Variants in CDH20 observed in about 807,000 individuals in gnomAD.
The protein encoded by CDH20 is cadherin-20.
CDH20 carries 29 observed loss-of-function variants against 74.2 expected under a neutral mutation model. That is an observed-to-expected ratio of 0.39 (90% CI 0.29 to 0.53). The LOEUF is 0.53. Among genes scored for constraint, CDH20 ranks in the 20% least tolerant of loss-of-function variants. CDH20 has a pLI of 0.69. For missense variants in CDH20, 988 were observed against 1,048.3 expected (o/e 0.94, Z 0.79); for synonymous variants, 469 against 405.4 (o/e 1.16, Z -1.88).
intron 1 of CDH20, among the ~76,000 whole-genome samples, chr18:61,396,408 T>C (rs1274404843): frequency 6.6e-6 from 1 of 152,200 alleles, no homozygotes; most frequent in Non-Finnish European, 1.5e-5. Flanking sequence ...GTTCATCCTT[T>C]TTTTTTAAGA....
chr18:61,499,173 T>G lies in CDH20; in HGVS notation c.247-13T>G. 1.3e-6 allele frequency: 2 copies of G among 1,520,622 alleles called. No homozygotes were observed. Among genetic ancestry groups the G allele is most frequent in the Non-Finnish European group, 1.8e-6 (2 of 1,132,626 alleles). The allele number at this position is 1,520,622 out of a possible 1,614,324, so 94.2% of individuals were successfully genotyped here. ...GACATTCATGATGAGAATTAGGTGC[T>G]TTCCTCTCCCAGCTTCATTCAGATA... On this transcript the variant is annotated splice_polypyrimidine_tract_variant and intron_variant, in intron 2 of 11. Coordinates refer to ENST00000262717, the MANE Select transcript of CDH20 (RefSeq NM_031891.4).
In CDH20 at chr18:61,528,022, C is replaced by T. The variant is rs1219644308; in HGVS notation, c.1073C>T (p.Pro358Leu). The change falls in exon 7 of 12, where the codon CCT (proline) becomes CTT (leucine). Residue 358 changes from proline (P) to leucine (L), a missense_variant. Pro to Leu is a moderately conservative substitution (Grantham distance 98). This residue lies in a region of CDH20 where 613 missense variants were observed against 755.2 expected (regional missense o/e 0.81). Coordinates refer to ENST00000262717, the MANE Select transcript of CDH20 (RefSeq NM_031891.4). ...SYTLKVEGAN[P>L]HLEMRFLNLG... ...ACCTTAAAGGTGGAGGGAGCCAATC[C>T]TCACCTAGAGATGCGTTTTCTGAAC... 3.1e-6 allele frequency: 5 copies of T among 1,614,004 alleles called. No homozygotes were observed. The highest frequency in any genetic ancestry group is 4.2e-6 in the Non-Finnish European group (5 of 1,179,876).
chr18:61,354,261 T>C (rs1042069109), intron 1 of CDH20, among the ~76,000 whole-genome samples: 3 of 152,000 alleles, frequency 2.0e-5, no homozygotes, highest in Admixed American at 6.5e-5. Context: ...CTGCCTTCTT[T>C]CCTGTGGAAT....
chr18:61,540,494 C>T (rs1430286822), intron 9 of CDH20, among the ~76,000 whole-genome samples: 4 of 152,156 alleles, frequency 2.6e-5, no homozygotes, highest in South Asian at 2.1e-4. Flanking sequence ...TCTTACATGG[C>T]AGCAGGCAAG....
At chr18:61,444,470 C>A (rs1909135905) in intron 1 of CDH20, among the ~76,000 whole-genome samples, 1 of 152,034 alleles carries the variant, frequency 6.6e-6, no homozygotes, top group African/African-American at 2.4e-5. Context: ...AGGCTAATAC[C>A]CTTGTAAAAA....
At chr18:61,503,731 A>C (rs1911467341) in intron 5 of CDH20, among the ~76,000 whole-genome samples, 2 of 152,198 alleles carry the variant, frequency 1.3e-5, no homozygotes. Context: ...TCCTACACAC[A>C]AGAAAAATTA....
intron 1 of CDH20, among the ~76,000 whole-genome samples, chr18:61,370,964 C>T (rs1911018895): frequency 1.3e-5 from 2 of 152,006 alleles, no homozygotes; most frequent in Non-Finnish European, 2.9e-5. Context: ...AGGCATGTAG[C>T]CCCTGAAATA....
chr18:61,346,610 G>A (rs1306420051), intron 1 of CDH20, among the ~76,000 whole-genome samples: 3 of 151,990 alleles, frequency 2.0e-5, no homozygotes, highest in African/African-American at 7.3e-5. Context: ...TTTGACACAC[G>A]TTTCTCTTTG....
intron 1 of CDH20, among the ~76,000 whole-genome samples, chr18:61,465,316 G>GC (rs2144366471): frequency 1.3e-5 from 2 of 152,256 alleles, no homozygotes; most frequent in Non-Finnish European, 2.9e-5. Context: ...TCATTCTCCA[G>GC]CCCCCTAGCC....
At chr18:61,475,934 C>G (rs932518002) in intron 1 of CDH20, among the ~76,000 whole-genome samples, 1 of 152,158 alleles carries the variant, frequency 6.6e-6, no homozygotes, top group Non-Finnish European at 1.5e-5. Context: ...CTTCTAAATG[C>G]AAGAACTTGC....
chr18:61,536,414 G>GGCACTCAGTTGTCTCATGTGGTAT lies in CDH20; in HGVS notation c.1272-76_1272-53dup, dbSNP rs1912818468. ...TGGTGGAACCATGTTTCATATGGTA[G>GGCACTCAGTTGTCTCATGTGGTAT]GCACTCAGTTGTCTCATGTGGTATG... On this transcript the variant is annotated intron_variant, in intron 7 of 11. Coordinates refer to ENST00000262717, the MANE Select transcript of CDH20 (RefSeq NM_031891.4). The GGCACTCAGTTGTCTCATGTGGTAT allele has an allele frequency of 3.7e-6, 4 of 1,095,388 alleles. No homozygotes were observed. In the Admixed American group the frequency reaches 7.5e-5, roughly 21 times the overall value. The allele number at this position is 1,095,388 out of a possible 1,614,324, so 67.9% of individuals were successfully genotyped here. A position where few individuals can be genotyped will look rare whatever the true frequency, so the allele number is the denominator to read the frequency against.
At chr18:61,432,488 C>G (rs147911168) in intron 1 of CDH20, among the ~76,000 whole-genome samples, 1 of 152,238 alleles carries the variant, frequency 6.6e-6, no homozygotes, top group East Asian at 1.9e-4. Flanking sequence ...TAAATAACCA[C>G]TCTTTGGAGG....
At chr18:61,364,330 T>C (rs557175067) in intron 1 of CDH20, among the ~76,000 whole-genome samples, 1 of 150,896 alleles carries the variant, frequency 6.6e-6, no homozygotes, top group South Asian at 2.1e-4. Context: ...TTGTTTGTTT[T>C]AGACCGAGTT....
chr18:61,531,232 C>T (rs1912626688), intron 7 of CDH20, among the ~76,000 whole-genome samples: 1 of 152,210 alleles, frequency 6.6e-6, no homozygotes, highest in Non-Finnish European at 1.5e-5. Context: ...CCTGGTGTGT[C>T]AGCCCGGCAA....
intron 1 of CDH20, among the ~76,000 whole-genome samples, chr18:61,407,527 C>T (rs186218439): frequency 6.6e-6 from 1 of 152,178 alleles, no homozygotes; most frequent in Non-Finnish European, 1.5e-5. Context: ...GTAACAGGGA[C>T]CAAATTACGC....
chr18:61,486,041 C>G (rs1476204294), intron 1 of CDH20, among the ~76,000 whole-genome samples: 4 of 151,852 alleles, frequency 2.6e-5, no homozygotes, highest in Non-Finnish European at 5.9e-5. Flanking sequence ...CCACTGCAGT[C>G]CAGCCTGGGC....
At chr18:61,425,145 C>T (rs1453915787) in intron 1 of CDH20, among the ~76,000 whole-genome samples, 7 of 151,740 alleles carry the variant, frequency 4.6e-5, no homozygotes, top group Admixed American at 4.6e-4. Flanking sequence ...CTGAAAACAA[C>T]TTACTGAAGA....
chr18:61,451,660 G>A (rs915582910), intron 1 of CDH20, among the ~76,000 whole-genome samples: 3 of 151,942 alleles, frequency 2.0e-5, no homozygotes, highest in Non-Finnish European at 2.9e-5. Flanking sequence ...AGATTTAATG[G>A]CAATAAATTT....
At chr18:61,350,488 A>G (rs1910267996) in intron 1 of CDH20, among the ~76,000 whole-genome samples, 1 of 152,136 alleles carries the variant, frequency 6.6e-6, no homozygotes, top group African/African-American at 2.4e-5. Flanking sequence ...CTTAATCCAA[A>G]GGAACCATAA....
Sources: allele counts gnomAD v4.1 joint callset (sites outside exome capture counted in the v4.1 genomes callset), GRCh38; gene constraint gnomAD v4.1.1; regional missense constraint gnomAD v4.1.1; transcripts MANE v1.5; gene names NCBI Gene and HGNC (gene_info 2026-07-23, HGNC 2026-07-21).